NKAIN2: variants seen among roughly 807,000 people sequenced by gnomAD.
NKAIN2 encodes the protein sodium/potassium transporting ATPase interacting 2.
NKAIN2 carries 14 observed loss-of-function variants against 32.6 expected under a neutral mutation model. The observed-to-expected ratio is 0.43, with a 90% CI of 0.28 to 0.67. The LOEUF (loss-of-function observed/expected upper bound fraction) is 0.67. NKAIN2 is among the 30% of genes least tolerant of loss of function. NKAIN2 has a pLI of 0.17. For synonymous variants in NKAIN2, 80 were observed against 87.2 expected (o/e 0.92, Z 0.46); for missense variants, 198 against 258.3 (o/e 0.77, Z 1.60).
At chr6:124,692,831 T>A (rs1004847535) in intron 4 of NKAIN2, among the ~76,000 whole-genome samples, 1 of 151,334 alleles carries the variant, frequency 6.6e-6, no homozygotes, top group African/African-American at 2.4e-5. Flanking sequence ...AAAAAAAAAA[T>A]ATATGTAACA....
At chr6:124,075,585 GTTAC>G (rs1033109193) in intron 1 of NKAIN2, among the ~76,000 whole-genome samples, 2 of 152,018 alleles carry the variant, frequency 1.3e-5, no homozygotes, top group African/African-American at 2.4e-5. Flanking sequence ...TAGGAAGTAT[GTTAC>G]TTTATTTATT....
At chr6:124,351,232 A>G (rs758181371) in intron 2 of NKAIN2, among the ~76,000 whole-genome samples, 1 of 152,322 alleles carries the variant, frequency 6.6e-6, no homozygotes, top group African/African-American at 2.4e-5. Flanking sequence ...CAAGTTCAAT[A>G]TGATGGAACA....
intron 3 of NKAIN2, among the ~76,000 whole-genome samples, chr6:124,494,403 C>G (rs1777988700): frequency 2.0e-5 from 3 of 152,162 alleles, no homozygotes; most frequent in Admixed American, 2.0e-4. Flanking sequence ...GGCAGTATTT[C>G]AAATATAAGG....
intron 3 of NKAIN2, among the ~76,000 whole-genome samples, chr6:124,513,092 G>A (rs548856570): frequency 6.8e-4 from 103 of 152,114 alleles, no homozygotes; most frequent in African/African-American, 2.3e-3. Context: ...AAAGACTCAC[G>A]GACTCTTTAC....
At chr6:124,435,508 G>A (rs1250774450) in intron 3 of NKAIN2, among the ~76,000 whole-genome samples, 4 of 152,120 alleles carry the variant, frequency 2.6e-5, no homozygotes, top group Non-Finnish European at 5.9e-5. Context: ...CTATGATGCT[G>A]TATTTTTATT....
intron 5 of NKAIN2, among the ~76,000 whole-genome samples, chr6:124,814,560 C>G (rs758881428): frequency 1.3e-5 from 2 of 152,094 alleles, no homozygotes; most frequent in Non-Finnish European, 2.9e-5. Context: ...GCCGTCCTCC[C>G]TAATCTGAGG....
rs747316291 is a variant in NKAIN2 at position 124,052,230 on chromosome 6, A to G, written c.55-230775A>G. On this transcript the variant is annotated intron_variant, in intron 1 of 6. Coordinates refer to ENST00000368417, the MANE Select transcript of NKAIN2 (RefSeq NM_001040214.3). ...AAATAATTTACTGATGTTTTCAGAG[A>G]TACGAAATTTATAAAAGACGTAGGA... Among the ~76,000 whole-genome samples, 25 of 152,034 alleles carry G rather than the reference A, an allele frequency of 1.6e-4. 1 individual carries two copies. The highest frequency in any genetic ancestry group is 3.1e-4 in the Non-Finnish European group (21 of 67,982).
intron 1 of NKAIN2, among the ~76,000 whole-genome samples, chr6:124,222,988 C>T (rs1791910320): frequency 6.6e-6 from 1 of 151,872 alleles, no homozygotes; most frequent in Non-Finnish European, 1.5e-5. Context: ...CCAAGGCAGG[C>T]AGATCACAAG....
At chr6:124,535,248 A>C (rs1779673343) in intron 3 of NKAIN2, among the ~76,000 whole-genome samples, 1 of 152,228 alleles carries the variant, frequency 6.6e-6, no homozygotes, top group Non-Finnish European at 1.5e-5. Flanking sequence ...GATCATATTC[A>C]ATCTATTTTT....
intron 4 of NKAIN2, among the ~76,000 whole-genome samples, chr6:124,724,995 T>C (rs1258086142): frequency 6.6e-6 from 1 of 152,224 alleles, no homozygotes; most frequent in African/African-American, 2.4e-5. Context: ...AATGATTTCA[T>C]GTGTATCCCT....
rs117977945 is a variant in NKAIN2 at position 123,974,872 on chromosome 6, C to T, written c.54+170618C>T. Among the ~76,000 whole-genome samples the T allele has an allele frequency of 1.2e-3, 188 of 152,246 alleles. 1 individual carries two copies. Among genetic ancestry groups the T allele is most frequent in the Non-Finnish European group, 2.1e-3 (144 of 68,026 alleles). ...CTCTTATTAACATTTTGTCTTGCTC[C>T]ACAGAGAGTGCGTCCTGCAGTAGGT... On this transcript the variant is annotated intron_variant, in intron 1 of 6. Coordinates refer to ENST00000368417, the MANE Select transcript of NKAIN2 (RefSeq NM_001040214.3).
At chr6:123,823,211 G>A (rs1193937109) in intron 1 of NKAIN2, 2 of 152,140 alleles carry the variant, frequency 1.3e-5, no homozygotes, top group Non-Finnish European at 2.9e-5. Flanking sequence ...AAACACTTTT[G>A]ACATAACAGT....
intron 1 of NKAIN2, among the ~76,000 whole-genome samples, chr6:123,808,934 G>A (rs190899360): frequency 6.6e-6 from 1 of 152,182 alleles, no homozygotes; most frequent in African/African-American, 2.4e-5. Flanking sequence ...AAATCTGAGA[G>A]ACAGAAACAT....
intron 3 of NKAIN2, among the ~76,000 whole-genome samples, chr6:124,394,438 G>T (rs1773274625): frequency 6.7e-6 from 1 of 149,540 alleles, no homozygotes; most frequent in Non-Finnish European, 1.5e-5. Flanking sequence ...GGGTTTTCCA[G>T]AAAAACAGAA....
chr6:124,682,742 G>A lies in NKAIN2; in HGVS notation c.474+24356G>A, dbSNP rs114219764. On this transcript the variant is annotated intron_variant, in intron 4 of 6. Coordinates refer to ENST00000368417, the MANE Select transcript of NKAIN2 (RefSeq NM_001040214.3). ...TCTCCAATATTAAGATTGATATATT[G>A]GAACTTAAAAAAACTCATCAGAGAA... Among the ~76,000 whole-genome samples the A allele has an allele frequency of 8.4e-3, 1,282 of 151,910 alleles. 20 individuals are homozygous for A. Among genetic ancestry groups the A allele is most frequent in the African/African-American group, 0.03 (1,233 of 41,422 alleles).
At position 124,585,582 on chromosome 6, in the gene NKAIN2, G is replaced by A. The variant is rs1781684139; in HGVS notation, c.274-72604G>A. On this transcript the variant is annotated intron_variant, in intron 3 of 6. Transcript: ENST00000368417. ...ATATATGCATCAAACATGTACTCAC[G>A]AAGATTGAAAATGTTTTTAAATAAT... Among the ~76,000 whole-genome samples, 5 of 152,034 alleles carry A rather than the reference G, an allele frequency of 3.3e-5. No homozygotes were observed. The South Asian group carries it at 8.3e-4, about 25-fold the overall frequency.
chr6:124,261,112 C>T (rs528113000), intron 1 of NKAIN2, among the ~76,000 whole-genome samples: 4 of 152,264 alleles, frequency 2.6e-5, no homozygotes, highest in Non-Finnish European at 5.9e-5. Flanking sequence ...AGATTGGCTA[C>T]AGTGATGTGG....
intron 3 of NKAIN2, among the ~76,000 whole-genome samples, chr6:124,531,780 C>T (rs1429315747): frequency 3.3e-5 from 5 of 152,210 alleles, no homozygotes; most frequent in African/African-American, 9.6e-5. Context: ...AAGCGATTCT[C>T]GTGCCTTGGC....
chr6:124,013,943 C>T (rs566193976), intron 1 of NKAIN2, among the ~76,000 whole-genome samples: 90 of 152,244 alleles, frequency 5.9e-4, no homozygotes, highest in African/African-American at 2.1e-3. Flanking sequence ...AGGAATGCAA[C>T]GGTACCAGCA....
Sources: allele counts gnomAD v4.1 joint callset (sites outside exome capture counted in the v4.1 genomes callset), GRCh38; gene constraint gnomAD v4.1.1; transcripts MANE v1.5; gene names NCBI Gene and HGNC (gene_info 2026-07-23, HGNC 2026-07-21).